The following CCPG1 variants were observed in gnomAD, a reference collection of about 807,000 sequenced individuals.
CCPG1 encodes the protein cell cycle progression 1, also known as cell cycle progression protein 1.
CCPG1 carries 46 observed loss-of-function variants against 81.3 expected under a neutral mutation model. That is an observed-to-expected ratio of 0.57 (90% confidence interval 0.45 to 0.72). The LOEUF is 0.72. Among genes scored for constraint, CCPG1 ranks in the 30% least tolerant of loss-of-function variants. The pLI, the probability that CCPG1 is intolerant of heterozygous loss-of-function variation, is 0.00. For synonymous variants in CCPG1, 330 were observed against 305.2 expected (o/e 1.08, Z -0.85); for missense variants, 902 against 937.6 (o/e 0.96, Z 0.50).
At chr15:55,357,051 C>T (rs2056093529) in intron 8 of CCPG1, 4 of 985,532 alleles carry the variant, frequency 4.1e-6, no homozygotes, top group Non-Finnish European at 4.8e-6. Context: ...CCTACAACCC[C>T]ATGGATGTTG....
chr15:55,370,747 G>A (rs2056429448), intron 6 of CCPG1, among the ~76,000 whole-genome samples: 1 of 151,924 alleles, frequency 6.6e-6, no homozygotes, highest in African/African-American at 2.4e-5. Context: ...CGTGGTGGCA[G>A]GCGCCTGTAG....
intron 7 of CCPG1, among the ~76,000 whole-genome samples, chr15:55,363,326 G>T (rs1242047635): frequency 6.6e-6 from 1 of 151,500 alleles, no homozygotes; most frequent in Non-Finnish European, 1.5e-5. Context: ...TCCAGCCTGG[G>T]CAACAGAGCG....
At chr15:55,373,068 T>C (rs779502807) in intron 5 of CCPG1, 11 of 523,862 alleles carry the variant, frequency 2.1e-5, no homozygotes, top group Non-Finnish European at 1.2e-5. Context: ...GTGCTGCTCC[T>C]TTATGAAAAT....
At chr15:55,382,463 G>C (rs1380771677) in intron 3 of CCPG1, among the ~76,000 whole-genome samples, 2 of 151,036 alleles carry the variant, frequency 1.3e-5, no homozygotes, top group Non-Finnish European at 2.9e-5. Context: ...ATCTGTTCAA[G>C]TTTATCATGA....
intron 8 of CCPG1, chr15:55,359,030 T>C: frequency 1.0e-6 from 1 of 982,710 alleles, no homozygotes; most frequent in Middle Eastern, 5.2e-4. Context: ...TCTACCTTTA[T>C]CAAAGATAAT....
In CCPG1 at chr15:55,372,022, G is replaced by A. The variant is rs3203152; in HGVS notation, c.477C>T (p.Asp159=). The stretch of plus-strand genomic sequence containing the variant: ...TGGTTTCATCACTACTTGATTCATC[G>A]TCACTAGGCTGAGATGAAAATACTA... ...PETVFSSQPS[D]DESSSDETSN... The change falls in exon 6 of 9, where the codon GAC becomes GAT. Residue 159 remains aspartate, a synonymous_variant. Coordinates refer to ENST00000442196, the MANE Select transcript of CCPG1 (RefSeq NM_001204450.2). 167,616 of 1,612,410 alleles carry A rather than the reference G, an allele frequency of 0.1. 13,354 individuals are homozygous for A. The highest frequency in any genetic ancestry group is 0.43 in the African/African-American group (31,923 of 74,834).
chr15:55,369,645 T>C (rs147566980), intron 6 of CCPG1, among the ~76,000 whole-genome samples: 11 of 152,326 alleles, frequency 7.2e-5, no homozygotes, highest in Admixed American at 2.6e-4. Context: ...TACTTCATAA[T>C]ATGTTATCCA....
chr15:55,402,274 C>T (rs574322256), intron 1 of CCPG1, among the ~76,000 whole-genome samples: 3 of 152,246 alleles, frequency 2.0e-5, no homozygotes, highest in South Asian at 2.1e-4. Flanking sequence ...CTCACCCAGG[C>T]GGGAGTACAG....
chr15:55,365,462 G>A (rs1403173755), intron 6 of CCPG1, among the ~76,000 whole-genome samples, 153 bp from the exon 7 acceptor site: 1 of 119,694 alleles, frequency 8.4e-6, no homozygotes, highest in Non-Finnish European at 1.7e-5. Context: ...GAAGAGTCTT[G>A]CTCCATTGCC....
chr15:55,373,226 G>A (rs1168543095), intron 5 of CCPG1, among the ~76,000 whole-genome samples: 1 of 152,090 alleles, frequency 6.6e-6, no homozygotes, highest in Non-Finnish European at 1.5e-5. Context: ...CTATTATGTT[G>A]ACACAGAAGC....
At chr15:55,395,753 T>A (rs527565440) in intron 1 of CCPG1, among the ~76,000 whole-genome samples, 1 of 152,306 alleles carries the variant, frequency 6.6e-6, no homozygotes, top group Admixed American at 6.5e-5. Flanking sequence ...TACCAGCCTA[T>A]AATGTATTCC....
chr15:55,380,048 C>T (rs1453925897), intron 3 of CCPG1, among the ~76,000 whole-genome samples: 5 of 148,546 alleles, frequency 3.4e-5, no homozygotes, highest in Non-Finnish European at 5.9e-5. Context: ...TGCAGTGAGC[C>T]GAGATCATGC....
At chr15:55,401,072 C>A (rs2057120073) in intron 1 of CCPG1, among the ~76,000 whole-genome samples, 1 of 152,162 alleles carries the variant, frequency 6.6e-6, no homozygotes, top group Admixed American at 6.5e-5. Flanking sequence ...GTATTTTCTA[C>A]TAATACTTCC....
At position 55,359,764 on chromosome 15, in the gene CCPG1, G is replaced by A. The variant is rs753041723; in HGVS notation, c.2009C>T (p.Thr670Ile). 6.2e-7 allele frequency: 1 copy of A among 1,613,244 alleles called. No homozygotes were observed. The highest frequency in any genetic ancestry group is 1.3e-5 in the African/African-American group (1 of 74,890). ...ATCAAGTTCGTTCCAGTGACAAAAA[G>A]TATCCAGTTCTTTTAACATGTACCT... ...IQRYMLKELD[T>I]FCHWNELDQF... Residue 670 changes from threonine (T) to isoleucine (I), a missense_variant, in exon 8 of 9, where the codon ACT (threonine) becomes ATT (isoleucine). Thr to Ile is a moderately conservative substitution (Grantham distance 89, BLOSUM62 -1). This residue lies in a region of CCPG1 where 746 missense variants were observed against 728.6 expected (regional missense o/e 1.02). Coordinates refer to ENST00000442196, the MANE Select transcript of CCPG1 (RefSeq NM_001204450.2).
At chr15:55,383,602 A>G (rs1323817708) in intron 3 of CCPG1, among the ~76,000 whole-genome samples, 2 of 152,250 alleles carry the variant, frequency 1.3e-5, no homozygotes, top group Non-Finnish European at 2.9e-5. Flanking sequence ...TGGTTGGGGT[A>G]GCCACCTTCA....
intron 8 of CCPG1, chr15:55,357,812 GCACTCCAGCCTGGCTGACAAAGCAAGATT>G (rs1330955787): frequency 1.3e-5 from 2 of 152,096 alleles, no homozygotes; most frequent in African/African-American, 2.4e-5. Flanking sequence ...TCGTGTCACT[GCACTCCAGCCTGGCTGACAAAGCAAGATT>G]CCATCTCAAA....
At chr15:55,362,703 T>C (rs2056228424) in intron 7 of CCPG1, among the ~76,000 whole-genome samples, 1 of 152,132 alleles carries the variant, frequency 6.6e-6, no homozygotes, top group Non-Finnish European at 1.5e-5. Flanking sequence ...AGCTTCAAAA[T>C]CTATCTGATC....
chr15:55,377,103 G>T lies in CCPG1; in HGVS notation c.300C>A (p.Ala100=). The part of the protein sequence containing the change: ...IPEDSIYIGT[A]SDDSDIVTLE... ...GGGTAACAATATCAGAATCATCACT[G>T]GCAGTTCCAATATAGATACTGTCTT... Residue 100 remains alanine (A), a synonymous_variant, in exon 5 of 9, where the codon GCC becomes GCA. Transcript: ENST00000442196. 1 of 1,613,478 alleles carries T rather than the reference G, an allele frequency of 6.2e-7. No homozygotes were observed. The highest frequency in any genetic ancestry group is 1.3e-5 in the African/African-American group (1 of 74,978).
intron 7 of CCPG1, among the ~76,000 whole-genome samples, chr15:55,364,805 G>A (rs2056287609): frequency 7.2e-6 from 1 of 138,420 alleles, no homozygotes; most frequent in East Asian, 2.6e-4. Flanking sequence ...CCCAGGAGGT[G>A]GAAGTTGCAG....
Sources: allele counts gnomAD v4.1 joint callset (sites outside exome capture counted in the v4.1 genomes callset), GRCh38; gene constraint gnomAD v4.1.1; regional missense constraint gnomAD v4.1.1; transcripts MANE v1.5; gene names NCBI Gene and HGNC (gene_info 2026-07-23, HGNC 2026-07-21).